USH2A: variants seen among roughly 807,000 people sequenced by gnomAD.
USH2A encodes the protein usherin.
Under a neutral mutation model 538.9 loss-of-function variants are expected in USH2A, and 443 were observed. The observed-to-expected ratio is 0.82, with a 90% CI of 0.76 to 0.89. The LOEUF (loss-of-function observed/expected upper bound fraction) is 0.89. Among genes scored for constraint, USH2A ranks in the 40% least tolerant of loss-of-function variants. The pLI, the probability that USH2A is intolerant of heterozygous loss-of-function variation, is 0.00. For synonymous variants in USH2A, 2,413 were observed against 2,273.5 expected, an observed-to-expected ratio of 1.06 and a Z score of -1.75; for missense variants, 6,633 against 6,324.8, an observed-to-expected ratio of 1.05 and a Z score of -1.65.
chr1:215,859,141 A>T (rs1421682191), intron 44 of USH2A, among the ~76,000 whole-genome samples: 1 of 152,116 alleles, frequency 6.6e-6, no homozygotes, highest in African/African-American at 2.4e-5. Context: ...ATCTCATTTA[A>T]CCTTAATTAC....
At position 216,232,027 on chromosome 1, in the gene USH2A, T is replaced by C. The variant is rs138484134; in HGVS notation, c.2919A>G (p.Gln973=). The C allele has an allele frequency of 9.3e-6, 15 of 1,614,074 alleles. No individual in the cohort carries two copies. In the East Asian group the frequency reaches 1.8e-4, roughly 19 times the overall value. The change falls in exon 14 of 72, where the codon CAA becomes CAG. Residue 973 remains glutamine, a synonymous_variant. Coordinates refer to ENST00000307340, the MANE Select transcript of USH2A (RefSeq NM_206933.4). The stretch of plus-strand genomic sequence containing the variant: ...AACGTTGCCCAGCAATGGAAGCATC[T>C]TGGCAAACACACTGACCAGTCAGGC... ...CNSLTGQCVC[Q]DASIAGQRCD... is the part of the protein sequence containing the mutation.
intron 15 of USH2A, among the ~76,000 whole-genome samples, chr1:216,214,520 ATAAC>A (rs1434770787): frequency 1.3e-5 from 2 of 152,036 alleles, no homozygotes; most frequent in Non-Finnish European, 2.9e-5. Context: ...CAAAGACCCT[ATAAC>A]TAGTTGTTTG....
At chr1:216,184,700 A>T (rs1046597234) in intron 20 of USH2A, among the ~76,000 whole-genome samples, 2 of 152,030 alleles carry the variant, frequency 1.3e-5, no homozygotes, top group Non-Finnish European at 2.9e-5. Context: ...ATGACTATAT[A>T]TACAAGATTG....
At chr1:216,200,970 CCCATCCAT>C (rs1256543051) in intron 16 of USH2A, among the ~76,000 whole-genome samples, 2 of 49,328 alleles carry the variant, frequency 4.1e-5, no homozygotes, top group Non-Finnish European at 8.1e-5. Context: ...TTCCCCTCCC[CCCATCCAT>C]CCCTCCCTCC....
chr1:216,009,141 A>G (rs1446286323), intron 32 of USH2A, among the ~76,000 whole-genome samples: 1 of 151,394 alleles, frequency 6.6e-6, no homozygotes, highest in Admixed American at 6.6e-5. Context: ...CTGTGCCCCA[A>G]TCCCTTATTT....
Position 215,675,499 on chromosome 1 carries a change from C to T in USH2A, c.12412G>A (p.Ala4138Thr), listed in dbSNP as rs1214830041. 3.7e-6 allele frequency: 6 copies of T among 1,613,972 alleles called. No homozygotes were observed. Among genetic ancestry groups the T allele is most frequent in the South Asian group, 3.3e-5 (3 of 91,078 alleles). ...TGAGGCGCCGAGTGTGCACAACCTG[C>T]TCTGGTGCAGGCCTCCAGGGTCAGT... ...YTLTLEACTRAGCAHSAPQPL... is the reference protein window; with the variant it reads ...YTLTLEACTRTGCAHSAPQPL... The change falls in exon 63 of 72, where the codon GCA becomes ACA. Residue 4138 changes from alanine to threonine, a missense_variant. Transcript: ENST00000307340.
rs1408394369 is a variant in USH2A at position 215,674,896 on chromosome 1, C to T, written c.13015G>A (p.Gly4339Arg). The T allele has an allele frequency of 1.2e-6, 2 of 1,614,194 alleles. No homozygotes were observed. The highest frequency in any genetic ancestry group is 2.2e-5 in the East Asian group (1 of 44,870). Reference sequence around the variant, plus strand: ...GTGGGTTTGCTGGTGGAGCATCCTCCACTCGTGCAGGCTTGGAGTGCATAG... The same window carrying T: ...GTGGGTTTGCTGGTGGAGCATCCTCTACTCGTGCAGGCTTGGAGTGCATAG... ...YSYALQACTS[G>R]GCSTSKPTSI... The change falls in exon 63 of 72, where the codon GGA (glycine) becomes AGA (arginine). Residue 4339 changes from glycine (G) to arginine (R), a missense_variant. Coordinates refer to ENST00000307340, the MANE Select transcript of USH2A (RefSeq NM_206933.4).
At chr1:215,734,389 G>C (rs1223145650) in intron 60 of USH2A, among the ~76,000 whole-genome samples, 1 of 152,168 alleles carries the variant, frequency 6.6e-6, no homozygotes, top group Non-Finnish European at 1.5e-5. Flanking sequence ...GAGAGGGGCT[G>C]CCTGTAAGAT....
intron 16 of USH2A, among the ~76,000 whole-genome samples, chr1:216,201,052 C>A (rs1375547742): frequency 7.1e-6 from 1 of 140,520 alleles, no homozygotes; most frequent in Admixed American, 7.5e-5. Flanking sequence ...TTCCTTCCTT[C>A]CTTCCGACAG....
At chr1:216,071,424 G>A (rs1433248291) in intron 29 of USH2A, among the ~76,000 whole-genome samples, 1 of 152,172 alleles carries the variant, frequency 6.6e-6, no homozygotes, top group Non-Finnish European at 1.5e-5. Flanking sequence ...TATTAGTTCG[G>A]AAATGTGGTA....
In USH2A at chr1:215,674,499, T is replaced by C; in HGVS notation, c.13412A>G (p.Asn4471Ser). The part of the protein sequence containing the change: ...EITWKPPRNP[N>S]GQIRSYELRR... ...AAGTTCATAACTTCTGATCTGGCCA[T>C]TTGGGTTTCTTGGAGGTTTCCAGGT... Residue 4471 changes from asparagine to serine, a missense_variant, in exon 63 of 72, where the codon AAT becomes AGT. Transcript: ENST00000307340. The C allele has an allele frequency of 6.2e-7, 1 of 1,614,126 alleles. No homozygotes were observed. Among genetic ancestry groups the C allele is most frequent in the Non-Finnish European group, 8.5e-7 (1 of 1,180,004 alleles).
At chr1:216,079,665 C>T (rs1260746879) in intron 26 of USH2A, among the ~76,000 whole-genome samples, 2 of 152,008 alleles carry the variant, frequency 1.3e-5, no homozygotes, top group Non-Finnish European at 2.9e-5. Flanking sequence ...TGTCTGAAAC[C>T]AAAACTCATA....
chr1:216,233,701 G>A (rs2035749264), intron 13 of USH2A, among the ~76,000 whole-genome samples: 1 of 151,962 alleles, frequency 6.6e-6, no homozygotes, highest in African/African-American at 2.4e-5. Flanking sequence ...TATGGAAAAA[G>A]GAAAGAAATA....
chr1:215,816,869 C>T (rs972006312), intron 48 of USH2A, 128 bp downstream of exon 48: 61 of 1,026,818 alleles, frequency 5.9e-5, no homozygotes, highest in African/African-American at 1.4e-4. Context: ...CTTTCTTTTC[C>T]GTGGAGTCTT....
At position 216,415,508 on chromosome 1, in the gene USH2A, C is replaced by CTTTTTTTTTTTTTT. The variant is rs71161423; in HGVS notation, c.651+2992_651+3005dup. On this transcript the variant is annotated intron_variant, in intron 3 of 71. Coordinates refer to ENST00000307340, the MANE Select transcript of USH2A (RefSeq NM_206933.4). Reference sequence around the variant, plus strand: ...TCCTAATCTCCTGTCCTTCCTGTCACTTTTTTTTTTTTTTTTTTTTTTTTT... The same window carrying CTTTTTTTTTTTTTT: ...TCCTAATCTCCTGTCCTTCCTGTCACTTTTTTTTTTTTTTTTTTTTTTTTTTTTTTTTTTTTTTT... 5.8e-4 allele frequency among the ~76,000 whole-genome samples: 56 copies of CTTTTTTTTTTTTTT among 96,874 alleles called. 2 individuals are homozygous for CTTTTTTTTTTTTTT. Among genetic ancestry groups the CTTTTTTTTTTTTTT allele is most frequent in the African/African-American group, 1.9e-3 (49 of 25,830 alleles). The allele number at this position is 96,874 out of a possible 152,430, so 63.6% of individuals were successfully genotyped here.
At chr1:215,945,279 A>G (rs1666730578) in intron 37 of USH2A, among the ~76,000 whole-genome samples, 1 of 152,148 alleles carries the variant, frequency 6.6e-6, no homozygotes, top group Non-Finnish European at 1.5e-5. Context: ...TAAATCCCCC[A>G]GATGGTGGCT....
rs1333681455 is a variant in USH2A, at chr1:216,294,717, TTTC to T, written c.1645-2350_1645-2348del. ...ACCAGCAATATCTGAGAATGTCCAT[TTTC>T]TTGTGTTCTGCCCATAATTGTTATA... is the stretch of plus-strand genomic sequence containing the variant. On this transcript the variant is annotated intron_variant, in intron 9 of 71. Transcript: ENST00000307340. 4.6e-5 allele frequency among the ~76,000 whole-genome samples: 7 copies of T among 151,896 alleles called. No homozygotes were observed. The East Asian group carries it at 1.3e-3, about 29-fold the overall frequency.
intron 58 of USH2A, among the ~76,000 whole-genome samples, chr1:215,758,292 A>G (rs1660871044): frequency 6.6e-6 from 1 of 152,022 alleles, no homozygotes; most frequent in South Asian, 2.1e-4. Flanking sequence ...GTCTCAAAAA[A>G]AAAAAAAAAA....
intron 3 of USH2A, among the ~76,000 whole-genome samples, chr1:216,371,764 A>G (rs1295399679): frequency 1.3e-5 from 2 of 152,210 alleles, no homozygotes; most frequent in African/African-American, 4.8e-5. Flanking sequence ...GCTGGACAGA[A>G]GCTTAATAAA....
Sources: allele counts gnomAD v4.1 joint callset (sites outside exome capture counted in the v4.1 genomes callset), GRCh38; gene constraint gnomAD v4.1.1; transcripts MANE v1.5; gene names NCBI Gene and HGNC (gene_info 2026-07-23, HGNC 2026-07-21).